TRDN: variants seen among roughly 807,000 people sequenced by gnomAD.
The protein encoded by TRDN is triadin in skeletal muscle.
In TRDN, 161 loss-of-function variants were observed where a neutral mutation model predicts 149.7. That is an observed-to-expected ratio of 1.08 (90% CI 0.95 to 1.23). The LOEUF is 1.23. TRDN is among the 50% of genes most tolerant of loss of function. The pLI, the probability that TRDN is intolerant of heterozygous loss-of-function variation, is 0.00. For synonymous variants in TRDN, 294 were observed against 250.5 expected, an observed-to-expected ratio of 1.17 and a Z score of -1.64; for missense variants, 896 against 823.5, an observed-to-expected ratio of 1.09 and a Z score of -1.08.
chr6:123,448,600 G>C (rs1775551034), intron 10 of TRDN, among the ~76,000 whole-genome samples: 1 of 151,984 alleles, frequency 6.6e-6, no homozygotes, highest in African/African-American at 2.4e-5. Flanking sequence ...AGGAGAGTCT[G>C]AGCCCAGACA....
chr6:123,310,825 A>T (rs1200006389), intron 24 of TRDN, among the ~76,000 whole-genome samples: 2 of 151,960 alleles, frequency 1.3e-5, no homozygotes, highest in African/African-American at 4.8e-5. Flanking sequence ...TTGGAAAAAA[A>T]TAATACTACA....
chr6:123,326,438 G>T (rs1779458948), intron 23 of TRDN, among the ~76,000 whole-genome samples: 1 of 136,352 alleles, frequency 7.3e-6, no homozygotes, highest in South Asian at 2.5e-4. Flanking sequence ...GATTGAATCT[G>T]GCTTCTAACA....
chr6:123,228,583 GA>G (rs1485115911), intron 38 of TRDN, among the ~76,000 whole-genome samples: 1 of 151,852 alleles, frequency 6.6e-6, no homozygotes, highest in Non-Finnish European at 1.5e-5. Flanking sequence ...GAATAGCATG[GA>G]GGGACTGCTC....
intron 1 of TRDN, among the ~76,000 whole-genome samples, chr6:123,620,111 C>A (rs1465279889): frequency 1.3e-5 from 2 of 152,096 alleles, no homozygotes; most frequent in African/African-American, 4.8e-5. Context: ...AGTTTTAAGC[C>A]ACTATACTAC....
rs115146513 is a variant in TRDN, at chr6:123,466,233, A to G, written c.854-1250T>C. On this transcript the variant is annotated intron_variant, in intron 9 of 40. Coordinates refer to ENST00000334268, the MANE Select transcript of TRDN (RefSeq NM_006073.4). ...TGGAAGTTTATTTTTTCATTAGCAAAGAAAAAATAAGGCTGGGAACACTAA... is the reference window on the plus strand; with the variant it reads ...TGGAAGTTTATTTTTTCATTAGCAAGGAAAAAATAAGGCTGGGAACACTAA... 6.2e-3 allele frequency among the ~76,000 whole-genome samples: 945 copies of G among 152,296 alleles called. 8 individuals carry two copies. The highest frequency in any genetic ancestry group is 0.021 in the African/African-American group (887 of 41,558).
chr6:123,389,757 G>A (rs1562290701), intron 13 of TRDN, among the ~76,000 whole-genome samples: 1 of 151,974 alleles, frequency 6.6e-6, no homozygotes, highest in Non-Finnish European at 1.5e-5. Flanking sequence ...TTTTGATGTG[G>A]TTTTAACTAA....
intron 11 of TRDN, among the ~76,000 whole-genome samples, chr6:123,438,360 T>C (rs780454374): frequency 1.2e-4 from 18 of 151,866 alleles, no homozygotes; most frequent in Non-Finnish European, 2.2e-4. Flanking sequence ...AATTATTTAA[T>C]AACAGTGAAA....
rs774187403 is a variant in TRDN at position 123,255,136 on chromosome 6, G to A, written c.1907-11C>T. ...CTTTTCTTGTTGAGACTGTTAATAA[G>A]GAAAATGTAAATTAAAATATAAATT... On this transcript the variant is annotated splice_polypyrimidine_tract_variant and intron_variant, in intron 36 of 40. Coordinates refer to ENST00000334268, the MANE Select transcript of TRDN (RefSeq NM_006073.4). 2.5e-6 allele frequency: 3 copies of A among 1,205,214 alleles called. No homozygotes were observed. The highest frequency in any genetic ancestry group is 5.5e-5 in the Admixed American group (2 of 36,470). 74.7% of individuals were successfully genotyped at this position (1,205,214 alleles called of 1,614,324 possible).
intron 9 of TRDN, among the ~76,000 whole-genome samples, chr6:123,466,075 T>C (rs765995704): frequency 1.3e-5 from 2 of 152,240 alleles, no homozygotes; most frequent in Non-Finnish European, 2.9e-5. Flanking sequence ...TTACTGAGCA[T>C]GTTTAAGTAT....
At chr6:123,584,177 A>C (rs576335115) in intron 1 of TRDN, among the ~76,000 whole-genome samples, 13 of 152,284 alleles carry the variant, frequency 8.5e-5, no homozygotes, top group Non-Finnish European at 1.5e-4. Context: ...GGGAGGCTGG[A>C]TTGAAGTCCG....
intron 24 of TRDN, among the ~76,000 whole-genome samples, chr6:123,296,773 A>G (rs1311325046): frequency 2.0e-5 from 3 of 152,050 alleles, no homozygotes; most frequent in Non-Finnish European, 4.4e-5. Flanking sequence ...TAGGGATTTC[A>G]TAGATAATGA....
At chr6:123,321,267 T>C (rs2114708042) in intron 23 of TRDN, among the ~76,000 whole-genome samples, 1 of 152,296 alleles carries the variant, frequency 6.6e-6, no homozygotes, top group Non-Finnish European at 1.5e-5. Flanking sequence ...CTTCGAATGG[T>C]GCCAGGTACA....
chr6:123,605,923 T>C (rs1784510456), intron 1 of TRDN, among the ~76,000 whole-genome samples: 1 of 152,176 alleles, frequency 6.6e-6, no homozygotes, highest in African/African-American at 2.4e-5. Flanking sequence ...CAAGTTTAAG[T>C]TTCAGTGGCA....
intron 1 of TRDN, among the ~76,000 whole-genome samples, chr6:123,596,410 T>C (rs1784039730): frequency 6.6e-6 from 1 of 152,060 alleles, no homozygotes; most frequent in Non-Finnish European, 1.5e-5. Flanking sequence ...ATGTAGAGGA[T>C]ATATGCTGCG....
chr6:123,427,603 A>C (rs1458367599), intron 12 of TRDN, among the ~76,000 whole-genome samples: 2 of 152,094 alleles, frequency 1.3e-5, no homozygotes, highest in African/African-American at 4.8e-5. Context: ...TCTACTTCTA[A>C]CTTCCACCAT....
intron 23 of TRDN, among the ~76,000 whole-genome samples, chr6:123,317,968 TA>T (rs1562259848): frequency 1.3e-5 from 2 of 151,948 alleles, no homozygotes; most frequent in Non-Finnish European, 2.9e-5. Flanking sequence ...TTTAGAAACT[TA>T]AAAAAATAAG....
chr6:123,580,822 G>T (rs1783085388), intron 1 of TRDN, among the ~76,000 whole-genome samples: 1 of 152,084 alleles, frequency 6.6e-6, no homozygotes, highest in Non-Finnish European at 1.5e-5. Flanking sequence ...TTTGTAGTTG[G>T]TGTTTCCAAG....
chr6:123,519,002 G>T (rs993977545), intron 5 of TRDN, among the ~76,000 whole-genome samples: 3 of 152,158 alleles, frequency 2.0e-5, no homozygotes, highest in African/African-American at 7.2e-5. Flanking sequence ...GAGCGTCTCT[G>T]CTTAGAGCCC....
At chr6:123,312,338 T>A (rs1240280424) in intron 24 of TRDN, among the ~76,000 whole-genome samples, 1 of 151,928 alleles carries the variant, frequency 6.6e-6, no homozygotes, top group Non-Finnish European at 1.5e-5. Flanking sequence ...GAGCAACCCG[T>A]CCTTTTCCTC....
Sources: gnomAD v4.1 joint callset for allele counts (sites outside exome capture counted in the v4.1 genomes callset) on GRCh38, gnomAD v4.1.1 for gene constraint, MANE v1.5 for transcripts, NCBI Gene and HGNC (gene_info 2026-07-23, HGNC 2026-07-21) for gene names.